CA10: variants seen among roughly 807,000 people sequenced by gnomAD.
The protein encoded by CA10 is carbonic anhydrase-related protein 10.
Under a neutral mutation model 44.2 loss-of-function variants are expected in CA10, and 14 were observed. That is an observed-to-expected ratio of 0.32 (90% CI 0.21 to 0.50). The LOEUF (loss-of-function observed/expected upper bound fraction) is 0.50. CA10 is among the 20% of genes least tolerant of loss of function. The probability of loss-of-function intolerance (pLI) is 0.99; values close to 1 mark genes in which losing one functional copy is unlikely to be tolerated. For missense variants in CA10, 350 were observed against 409.7 expected, an observed-to-expected ratio of 0.85 and a Z score of 1.26; for synonymous variants, 159 against 141.6, an observed-to-expected ratio of 1.12 and a Z score of -0.87.
intron 2 of CA10, among the ~76,000 whole-genome samples, chr17:52,043,516 AT>A (rs1351991835): frequency 1.3e-5 from 2 of 152,054 alleles, no homozygotes; most frequent in Non-Finnish European, 2.9e-5. Flanking sequence ...GAGAGAGACC[AT>A]TTAGCTTCTT....
At chr17:51,901,178 A>G (rs1031870338) in intron 3 of CA10, among the ~76,000 whole-genome samples, 3 of 151,810 alleles carry the variant, frequency 2.0e-5, no homozygotes, top group African/African-American at 7.3e-5. Context: ...TGTCCTTTGG[A>G]TGGATTTCAT....
chr17:51,680,188 G>T (rs1914795485), intron 4 of CA10, among the ~76,000 whole-genome samples: 1 of 152,232 alleles, frequency 6.6e-6, no homozygotes, highest in Admixed American at 6.5e-5. Flanking sequence ...CATCAGGGAA[G>T]ACTTCATGGA....
rs138915386 is a variant in CA10 at position 51,907,044 on chromosome 17, A to G, written c.279+23946T>C. On this transcript the variant is annotated intron_variant, in intron 3 of 8. Transcript: ENST00000451037. Reference sequence around the variant, plus strand: ...CCTGTACCAAGTCTTTCCAATATCTATTGAAAGCTTTCTAGTGGTTCCCTG... The same window carrying G: ...CCTGTACCAAGTCTTTCCAATATCTGTTGAAAGCTTTCTAGTGGTTCCCTG... 2.0e-4 allele frequency among the ~76,000 whole-genome samples: 31 copies of G among 152,270 alleles called. No individual in the cohort carries two copies. The East Asian group carries it at 5.4e-3, about 26-fold the overall frequency.
chr17:51,796,582 C>T (rs1906719208), intron 3 of CA10, among the ~76,000 whole-genome samples: 1 of 152,172 alleles, frequency 6.6e-6, no homozygotes, highest in Non-Finnish European at 1.5e-5. Context: ...ACTCATGAAT[C>T]CTAGAGCACT....
chr17:51,940,132 G>A (rs1983021904), intron 2 of CA10, among the ~76,000 whole-genome samples: 1 of 152,056 alleles, frequency 6.6e-6, no homozygotes, highest in Admixed American at 6.6e-5. Context: ...AATAATGCCA[G>A]CATTATTTAT....
chr17:52,122,836 G>T (rs1379549168), intron 1 of CA10, among the ~76,000 whole-genome samples: 1 of 152,136 alleles, frequency 6.6e-6, no homozygotes, highest in Non-Finnish European at 1.5e-5. Context: ...TTCCATTTCT[G>T]CTGTATGTTG....
At chr17:51,813,763 T>C (rs986922350) in intron 3 of CA10, among the ~76,000 whole-genome samples, 1 of 152,220 alleles carries the variant, frequency 6.6e-6, no homozygotes, top group Non-Finnish European at 1.5e-5. Flanking sequence ...CCATAGGATA[T>C]ACCGGCTTTT....
chr17:51,668,846 C>T (rs889893431), intron 4 of CA10, among the ~76,000 whole-genome samples: 1 of 152,184 alleles, frequency 6.6e-6, no homozygotes, highest in Non-Finnish European at 1.5e-5. Context: ...GGCGTGGGCT[C>T]AGCGCGCCCA....
At chr17:52,146,358 T>C (rs556635441) in intron 1 of CA10, among the ~76,000 whole-genome samples, 1 of 152,254 alleles carries the variant, frequency 6.6e-6, no homozygotes, top group East Asian at 1.9e-4. Context: ...TTGGGAGTTT[T>C]AGACCAGCCT....
At chr17:51,839,416 C>T (rs1978300577) in intron 3 of CA10, among the ~76,000 whole-genome samples, 1 of 143,028 alleles carries the variant, frequency 7.0e-6, no homozygotes, top group African/African-American at 2.7e-5. Context: ...TGGCATGAAC[C>T]TGGGAGGCGG....
chr17:51,710,921 CTTTTTTTTTTTTT>C (rs55854155), intron 4 of CA10, among the ~76,000 whole-genome samples: 1 of 84,472 alleles, frequency 1.2e-5, no homozygotes, highest in African/African-American at 4.7e-5. Flanking sequence ...CAACATTTTG[CTTTTTTTTTTTTT>C]TTTTTTTTTT....
intron 3 of CA10, among the ~76,000 whole-genome samples, chr17:51,858,354 GACA>G (rs1322681487): frequency 3.3e-5 from 5 of 152,096 alleles, no homozygotes; most frequent in African/African-American, 1.2e-4. Flanking sequence ...TTTTCACTGG[GACA>G]ACGAGGAAAA....
intron 1 of CA10, among the ~76,000 whole-genome samples, chr17:52,149,754 T>C (rs1191676281): frequency 1.3e-5 from 2 of 152,176 alleles, no homozygotes; most frequent in African/African-American, 2.4e-5. Flanking sequence ...CTGTAATCTA[T>C]ATCTGGGTTA....
chr17:51,715,702 T>C (rs982064783), intron 4 of CA10, among the ~76,000 whole-genome samples: 1 of 152,222 alleles, frequency 6.6e-6, no homozygotes, highest in Admixed American at 6.5e-5. Context: ...TTCATTCTTT[T>C]TTTTTTCAGA....
intron 6 of CA10, among the ~76,000 whole-genome samples, chr17:51,647,972 C>A (rs1404189600): frequency 3.3e-5 from 5 of 152,202 alleles, no homozygotes; most frequent in African/African-American, 1.2e-4. Context: ...CTCCCAGCCT[C>A]TGCAGATGGG....
chr17:52,064,865 T>C (rs1048966614), intron 2 of CA10, among the ~76,000 whole-genome samples: 3 of 152,224 alleles, frequency 2.0e-5, no homozygotes, highest in Non-Finnish European at 2.9e-5. Flanking sequence ...GAATTCTGTA[T>C]TATGATTTTA....
At chr17:51,682,340 A>G (rs1414667200) in intron 4 of CA10, among the ~76,000 whole-genome samples, 1 of 152,212 alleles carries the variant, frequency 6.6e-6, no homozygotes, top group Non-Finnish European at 1.5e-5. Context: ...ACCGCTGGCA[A>G]AATGAAACTT....
At chr17:51,973,045 T>C (rs996766343) in intron 2 of CA10, among the ~76,000 whole-genome samples, 2 of 152,212 alleles carry the variant, frequency 1.3e-5, no homozygotes, top group Non-Finnish European at 2.9e-5. Context: ...AGGGTCTCAA[T>C]CTAATTTAGT....
intron 4 of CA10, among the ~76,000 whole-genome samples, chr17:51,669,051 T>C (rs2319201): frequency 0.66 from 99,759 of 152,010 alleles, 32,977 homozygotes; most frequent in Middle Eastern, 0.68. Flanking sequence ...CCCAAGACCC[T>C]GCAACCTCAT....
Sources: gnomAD v4.1 joint callset for allele counts (sites outside exome capture counted in the v4.1 genomes callset) on GRCh38, gnomAD v4.1.1 for gene constraint, MANE v1.5 for transcripts, NCBI Gene and HGNC (gene_info 2026-07-23, HGNC 2026-07-21) for gene names.